SH3RF1: variants seen among roughly 807,000 people sequenced by gnomAD.
The protein encoded by SH3RF1 is E3 ubiquitin-protein ligase SH3RF1.
A neutral mutation model predicts 74.0 loss-of-function variants in SH3RF1; 32 were observed. The observed-to-expected ratio is 0.43, with a 90% CI of 0.33 to 0.58. The LOEUF (loss-of-function observed/expected upper bound fraction) is 0.58, where lower values mean the gene tolerates loss of function less well. Among genes scored for constraint, SH3RF1 ranks in the 20% least tolerant of loss-of-function variants. SH3RF1 has a pLI of 0.05. For missense variants in SH3RF1, 954 were observed against 1,130.9 expected, an observed-to-expected ratio of 0.84 and a Z score of 2.24; for synonymous variants, 396 against 439.6, an observed-to-expected ratio of 0.90 and a Z score of 1.24.
intron 11 of SH3RF1, among the ~76,000 whole-genome samples, chr4:169,099,155 C>CTGT (rs1732976415): frequency 3.3e-5 from 5 of 152,176 alleles, no homozygotes; most frequent in Admixed American, 3.3e-4. Context: ...TGCAGTGATG[C>CTGT]AATCACAGCT....
At chr4:169,137,705 C>G (rs1733721355) in intron 4 of SH3RF1, among the ~76,000 whole-genome samples, 1 of 152,100 alleles carries the variant, frequency 6.6e-6, no homozygotes, top group Non-Finnish European at 1.5e-5. Context: ...TTGATAAGAT[C>G]ACTCTACTAG....
intron 4 of SH3RF1, among the ~76,000 whole-genome samples, chr4:169,145,148 C>T (rs1283333164): frequency 6.6e-6 from 1 of 152,168 alleles, no homozygotes; most frequent in East Asian, 1.9e-4. Flanking sequence ...TTTATTGCAG[C>T]ACTATTCACA....
chr4:169,257,796 A>C (rs188870685), intron 2 of SH3RF1, among the ~76,000 whole-genome samples: 1 of 152,364 alleles, frequency 6.6e-6, no homozygotes, highest in East Asian at 1.9e-4. Context: ...AGATCTAGCA[A>C]GCAAACCAGC....
At chr4:169,187,095 T>C (rs916389017) in intron 2 of SH3RF1, among the ~76,000 whole-genome samples, 1 of 152,196 alleles carries the variant, frequency 6.6e-6, no homozygotes, top group South Asian at 2.1e-4. Flanking sequence ...AATACTCTTT[T>C]TGCTAACTCT....
intron 2 of SH3RF1, among the ~76,000 whole-genome samples, chr4:169,214,322 C>G (rs1730426975): frequency 6.6e-6 from 1 of 152,246 alleles, no homozygotes; most frequent in Non-Finnish European, 1.5e-5. Flanking sequence ...TGAGGCCTCA[C>G]CAGAAGCCAG....
chr4:169,115,532 C>T (rs1046996892), intron 10 of SH3RF1, among the ~76,000 whole-genome samples: 1 of 152,066 alleles, frequency 6.6e-6, no homozygotes, highest in African/African-American at 2.4e-5. Context: ...TGCCATCATG[C>T]CCAGGTGGGA....
chr4:169,249,735 T>A (rs1731066665), intron 2 of SH3RF1, among the ~76,000 whole-genome samples: 1 of 152,008 alleles, frequency 6.6e-6, no homozygotes, highest in South Asian at 2.1e-4. Context: ...TTTAAGTAAA[T>A]ACGTAGGAGG....
chr4:169,145,498 AACCTC>A (rs1733859959), intron 4 of SH3RF1, among the ~76,000 whole-genome samples: 1 of 150,816 alleles, frequency 6.6e-6, no homozygotes. Context: ...TAAAAGCCCA[AACCTC>A]ACCAATATGC....
chr4:169,199,839 C>T (rs1017816231), intron 2 of SH3RF1, among the ~76,000 whole-genome samples: 25 of 152,034 alleles, frequency 1.6e-4, no homozygotes, highest in African/African-American at 5.3e-4. Context: ...AAACATTCAG[C>T]AAGCACGACA....
rs79176774 is a variant in SH3RF1, at chr4:169,097,913, T to C, written c.2499-1226A>G. Among the ~76,000 whole-genome samples, 531 of 152,332 alleles carry C rather than the reference T, an allele frequency of 3.5e-3. 4 individuals carry two copies. Among genetic ancestry groups the C allele is most frequent in the African/African-American group, 0.012 (510 of 41,566 alleles). ...GTTGTGAGGACACTCAACATCTCTA[T>C]GGAGAGGAAACACATGGTAAGGCAC... is the stretch of plus-strand genomic sequence containing the variant. On this transcript the variant is annotated intron_variant, in intron 11 of 11. Transcript: ENST00000284637.
At chr4:169,177,157 T>C (rs891573147) in intron 2 of SH3RF1, among the ~76,000 whole-genome samples, 1 of 152,206 alleles carries the variant, frequency 6.6e-6, no homozygotes, top group African/African-American at 2.4e-5. Context: ...AGCACTTATA[T>C]GTAATTCAAT....
chr4:169,223,135 A>G (rs1036209669), intron 2 of SH3RF1, among the ~76,000 whole-genome samples: 2 of 152,208 alleles, frequency 1.3e-5, no homozygotes, highest in Non-Finnish European at 2.9e-5. Context: ...CCTTTCTGCC[A>G]GGAAGATATA....
At chr4:169,153,874 T>A (rs2009324) in intron 4 of SH3RF1, among the ~76,000 whole-genome samples, 32,680 of 152,158 alleles carry the variant, frequency 0.21, 3,936 homozygotes, top group Non-Finnish European at 0.29. Context: ...GAGTAAATAA[T>A]CCTGATGAGT....
At chr4:169,125,664 C>G (rs985787841) in intron 6 of SH3RF1, among the ~76,000 whole-genome samples, 1 of 152,190 alleles carries the variant, frequency 6.6e-6, no homozygotes, top group African/African-American at 2.4e-5. Context: ...GCAAGATAGA[C>G]TAAGCCTTTC....
intron 11 of SH3RF1, among the ~76,000 whole-genome samples, chr4:169,106,394 T>C (rs1733138735): frequency 6.6e-6 from 1 of 151,928 alleles, no homozygotes; most frequent in Admixed American, 6.6e-5. Flanking sequence ...CTTCCTTCAG[T>C]GTGGCCCAGG....
intron 10 of SH3RF1, among the ~76,000 whole-genome samples, chr4:169,110,426 T>C (rs1220030136): frequency 6.6e-6 from 1 of 151,648 alleles, no homozygotes. Flanking sequence ...GTTCAGAAAA[T>C]AAAATGAATA....
intron 2 of SH3RF1, among the ~76,000 whole-genome samples, chr4:169,231,691 C>A (rs1037461727): frequency 1.3e-5 from 2 of 152,124 alleles, no homozygotes; most frequent in African/African-American, 4.8e-5. Context: ...CTCCTCCATC[C>A]AACATAACCA....
At chr4:169,121,116 A>T in intron 7 of SH3RF1, 127 bp from the exon 8 acceptor site, 2 of 750,790 alleles carry the variant, frequency 2.7e-6, no homozygotes, top group Admixed American at 4.9e-5. Flanking sequence ...TAATCCTTTA[A>T]TCTATAAGTA....
intron 11 of SH3RF1, among the ~76,000 whole-genome samples, chr4:169,101,400 G>A (rs1284803281): frequency 6.6e-6 from 1 of 152,122 alleles, no homozygotes; most frequent in Non-Finnish European, 1.5e-5. Flanking sequence ...CTTATGAGAT[G>A]CCCAGAAGTC....
Sources: allele counts gnomAD v4.1 joint callset (sites outside exome capture counted in the v4.1 genomes callset), GRCh38; gene constraint gnomAD v4.1.1; transcripts MANE v1.5; gene names NCBI Gene and HGNC (gene_info 2026-07-23, HGNC 2026-07-21).